Variants in GNG4 observed in about 807,000 individuals in gnomAD.
The protein encoded by GNG4 is G protein subunit gamma 4, also known as guanine nucleotide-binding protein G(I)/G(S)/G(O) subunit gamma-4.
Under a neutral mutation model 5.8 loss-of-function variants are expected in GNG4, and 4 were observed. The ratio of observed to expected loss-of-function variants is 0.69; its 90% CI spans 0.34 to 1.57. The LOEUF (loss-of-function observed/expected upper bound fraction) is 1.57, where lower values mean the gene tolerates loss of function less well. GNG4 is among the 40% of genes most tolerant of loss of function. The probability of loss-of-function intolerance (pLI) is 0.06; values close to 1 mark genes in which losing one functional copy is unlikely to be tolerated. For synonymous variants in GNG4, 29 were observed against 32.9 expected (o/e 0.88, Z 0.41); for missense variants, 96 against 95.1 (o/e 1.01, Z -0.04).
intron 3 of GNG4, among the ~76,000 whole-genome samples, chr1:235,580,258 G>A (rs777025955): frequency 1.4e-4 from 22 of 152,310 alleles, no homozygotes; most frequent in Non-Finnish European, 1.5e-4. Context: ...CCAGGCATGG[G>A]CAGGGCGAAT....
At chr1:235,603,778 T>C (rs1688302646) in intron 1 of GNG4, among the ~76,000 whole-genome samples, 2 of 152,282 alleles carry the variant, frequency 1.3e-5, no homozygotes, top group African/African-American at 4.8e-5. Context: ...CACAGTTTCT[T>C]AGGAAGAGCA....
At chr1:235,581,656 C>T (rs74483608) in intron 3 of GNG4, among the ~76,000 whole-genome samples, 2,771 of 152,066 alleles carry the variant, frequency 0.018, 90 homozygotes, top group African/African-American at 0.063. Context: ...CCTGAGAAGC[C>T]AAGCAGATAC....
chr1:235,632,804 G>C (rs889516143), intron 1 of GNG4, among the ~76,000 whole-genome samples: 4 of 152,034 alleles, frequency 2.6e-5, no homozygotes, highest in African/African-American at 9.7e-5. Flanking sequence ...TTAATGGCTC[G>C]ATTCTGAAAA....
intron 3 of GNG4, among the ~76,000 whole-genome samples, chr1:235,574,950 G>T (rs546229780): frequency 6.6e-6 from 1 of 151,878 alleles, no homozygotes; most frequent in Non-Finnish European, 1.5e-5. Flanking sequence ...TCAGCCTCCC[G>T]AGTAGCTGGG....
intron 1 of GNG4, among the ~76,000 whole-genome samples, chr1:235,622,179 A>G (rs991053726): frequency 6.6e-6 from 1 of 152,156 alleles, no homozygotes. Context: ...ATCAATTCAA[A>G]ATATTTTCTA....
At chr1:235,570,931 C>T (rs868351309) in intron 3 of GNG4, among the ~76,000 whole-genome samples, 1,301 of 80,892 alleles carry the variant, frequency 0.016, 17 homozygotes, top group African/African-American at 0.061. Flanking sequence ...TATACACACA[C>T]ACACACACAC....
At chr1:235,587,230 AGTGTGT>A (rs1487964404) in intron 2 of GNG4, among the ~76,000 whole-genome samples, 1 of 59,976 alleles carries the variant, frequency 1.7e-5, no homozygotes, top group African/African-American at 1.4e-4. Flanking sequence ...GGTGAGTGTG[AGTGTGT>A]GAGGTGGGGT....
At chr1:235,601,715 C>CGTGA (rs1558493055) in intron 1 of GNG4, among the ~76,000 whole-genome samples, 3 of 152,162 alleles carry the variant, frequency 2.0e-5, no homozygotes, top group African/African-American at 7.2e-5. Context: ...TTGTGACTCA[C>CGTGA]GTCTTGCCAA....
chr1:235,605,211 A>G (rs1450005407), intron 1 of GNG4, among the ~76,000 whole-genome samples: 1 of 145,096 alleles, frequency 6.9e-6, no homozygotes, highest in Non-Finnish European at 1.5e-5. Context: ...TTTTTTTTTA[A>G]ATGGAGTCTC....
At chr1:235,622,421 GAGTT>G (rs970564357) in intron 1 of GNG4, among the ~76,000 whole-genome samples, 12 of 152,166 alleles carry the variant, frequency 7.9e-5, no homozygotes, top group Admixed American at 7.9e-4. Flanking sequence ...TTCATAAAAA[GAGTT>G]AGATGAGGCT....
At chr1:235,583,568 G>C (rs1687694864) in intron 3 of GNG4, among the ~76,000 whole-genome samples, 172 bp downstream of exon 3, 1 of 152,116 alleles carries the variant, frequency 6.6e-6, no homozygotes, top group African/African-American at 2.4e-5. Context: ...TGAATCCTTG[G>C]GCACACTTAG....
At chr1:235,594,697 C>T (rs185981467) in intron 2 of GNG4, among the ~76,000 whole-genome samples, 10 of 152,366 alleles carry the variant, frequency 6.6e-5, no homozygotes, top group Non-Finnish European at 1.0e-4. Context: ...GCTAAACCCA[C>T]GCCCACCCAG....
At chr1:235,611,223 A>G (rs1358861682) in intron 1 of GNG4, among the ~76,000 whole-genome samples, 1 of 151,554 alleles carries the variant, frequency 6.6e-6, no homozygotes, top group Non-Finnish European at 1.5e-5. Context: ...GCTGGAGTGA[A>G]GTGGTACCAT....
chr1:235,637,057 C>CAAAAAAA (rs61512163), intron 1 of GNG4, among the ~76,000 whole-genome samples: 2 of 134,444 alleles, frequency 1.5e-5, no homozygotes, highest in African/African-American at 5.8e-5. Flanking sequence ...GACTCCGTCT[C>CAAAAAAA]AAAAAAAAAA....
At chr1:235,615,511 C>G (rs1172860194) in intron 1 of GNG4, 13 of 160,080 alleles carry the variant, frequency 8.1e-5, no homozygotes. Context: ...GCTGCTGCTC[C>G]ACGTCATAGC....
At chr1:235,599,172 G>A (rs1286241215) in intron 1 of GNG4, among the ~76,000 whole-genome samples, 5 of 152,180 alleles carry the variant, frequency 3.3e-5, no homozygotes, top group Non-Finnish European at 7.3e-5. Context: ...ACCTCGGGGA[G>A]GCTGCATGCT....
intron 3 of GNG4, among the ~76,000 whole-genome samples, chr1:235,563,271 A>G (rs182476854): frequency 7.0e-4 from 107 of 152,162 alleles, no homozygotes; most frequent in African/African-American, 2.4e-3. Context: ...AAAATTACAA[A>G]AATTAGCCGG....
At chr1:235,641,437 TC>T (rs1440067490) in intron 1 of GNG4, among the ~76,000 whole-genome samples, 1 of 148,726 alleles carries the variant, frequency 6.7e-6, no homozygotes, top group Non-Finnish European at 1.5e-5. Flanking sequence ...ACGCCCGTAA[TC>T]CCAGCACTTT....
chr1:235,634,751 T>C (rs1689000089), intron 1 of GNG4, among the ~76,000 whole-genome samples: 2 of 151,624 alleles, frequency 1.3e-5, no homozygotes, highest in African/African-American at 4.9e-5. Context: ...GAGATCAGCC[T>C]GACCAACATG....
Sources: gnomAD v4.1 joint callset for allele counts (sites outside exome capture counted in the v4.1 genomes callset) on GRCh38, gnomAD v4.1.1 for gene constraint, MANE v1.5 for transcripts, NCBI Gene and HGNC (gene_info 2026-07-23, HGNC 2026-07-21) for gene names.